The following FAM151B variants were observed in gnomAD, a reference collection of about 807,000 sequenced individuals.
The protein encoded by FAM151B is family with sequence similarity 151 member B, also known as protein FAM151B.
Under a neutral mutation model 31.2 loss-of-function variants are expected in FAM151B, and 24 were observed. The observed-to-expected ratio is 0.77, with a 90% CI of 0.56 to 1.08. The LOEUF is 1.08. Ranked by LOEUF, FAM151B falls within the 50% of genes least tolerant of loss-of-function variation. The pLI is 0.00. For synonymous variants in FAM151B, 105 were observed against 111.4 expected, an observed-to-expected ratio of 0.94 and a Z score of 0.36; for missense variants, 293 against 328.6, an observed-to-expected ratio of 0.89 and a Z score of 0.84.
chr5:80,499,414 A>G lies in FAM151B; in HGVS notation c.26-2378A>G, dbSNP rs555200552. Among the ~76,000 whole-genome samples the G allele has an allele frequency of 3.3e-5, 5 of 152,336 alleles. No homozygotes were observed. In the South Asian group the frequency reaches 1.0e-3, roughly 32 times the overall value. On this transcript the variant is annotated intron_variant, in intron 1 of 5. Transcript: ENST00000282226. Reference sequence around the variant, plus strand: ...TTCAAGAGATTACTTGCTCACTCATATAGATGTTGCTGAGAATAATCTGAA... The same window carrying G: ...TTCAAGAGATTACTTGCTCACTCATGTAGATGTTGCTGAGAATAATCTGAA...
At chr5:80,518,013 G>A (rs1029580088) in intron 3 of FAM151B, among the ~76,000 whole-genome samples, 10 of 151,084 alleles carry the variant, frequency 6.6e-5, no homozygotes, top group African/African-American at 2.2e-4. Flanking sequence ...CAGAGGTTAC[G>A]GTGAGCAGAG....
intron 1 of FAM151B, among the ~76,000 whole-genome samples, chr5:80,490,877 G>A (rs1336956656): frequency 3.3e-5 from 5 of 152,194 alleles, no homozygotes; most frequent in African/African-American, 1.2e-4. Flanking sequence ...GAACATTTGT[G>A]TACAAGTTTT....
intron 2 of FAM151B, among the ~76,000 whole-genome samples, chr5:80,502,617 A>G (rs891632044): frequency 2.0e-5 from 3 of 152,154 alleles, no homozygotes; most frequent in Non-Finnish European, 4.4e-5. Context: ...GCCTTTTCCT[A>G]TAAAGTGCTC....
chr5:80,530,496 C>T (rs1231251115), intron 5 of FAM151B, among the ~76,000 whole-genome samples: 7 of 152,186 alleles, frequency 4.6e-5, no homozygotes, highest in Admixed American at 4.6e-4. Context: ...CCTATTGTCT[C>T]AGCCCAAAAT....
At chr5:80,521,879 A>G (rs907810690) in intron 4 of FAM151B, 124 bp from the exon 5 acceptor site, 1 of 591,172 alleles carries the variant, frequency 1.7e-6, no homozygotes, top group Non-Finnish European at 2.6e-6. Context: ...ATCCAAATGG[A>G]AAGTATTATG....
rs115067337 is a variant in FAM151B, at chr5:80,515,810, T to C, written c.317+2041T>C. The stretch of plus-strand genomic sequence containing the variant: ...AGGTAGGTTATTGCTGTTATTCTCA[T>C]TTTCCGGATGAGGCAATGGAGATGG... On this transcript the variant is annotated intron_variant, in intron 3 of 5. Transcript: ENST00000282226. Among the ~76,000 whole-genome samples the C allele has an allele frequency of 9.5e-3, 1,448 of 152,318 alleles. 29 individuals carry two copies. The highest frequency in any genetic ancestry group is 0.032 in the African/African-American group (1,327 of 41,562).
chr5:80,506,886 C>T (rs1426329776), intron 2 of FAM151B, among the ~76,000 whole-genome samples: 1 of 152,132 alleles, frequency 6.6e-6, no homozygotes, highest in Non-Finnish European at 1.5e-5. Flanking sequence ...CAAGGTGGCT[C>T]ACGCCTGTAC....
At chr5:80,496,275 G>A in intron 1 of FAM151B, among the ~76,000 whole-genome samples, 1 of 152,284 alleles carries the variant, frequency 6.6e-6, no homozygotes, top group African/African-American at 2.4e-5. Context: ...TTGGTCAATA[G>A]CCATCAACAT....
intron 5 of FAM151B, among the ~76,000 whole-genome samples, chr5:80,523,108 AG>A (rs1744793631): frequency 6.6e-6 from 1 of 152,218 alleles, no homozygotes; most frequent in Admixed American, 6.5e-5. Flanking sequence ...AACATCAAAC[AG>A]TAAATGCATA....
chr5:80,488,164 G>T lies in FAM151B; in HGVS notation c.25+16G>T. Reference sequence around the variant, plus strand: ...GGAGGCCCAGGTAAGCGCCGAGCGCGCGGCCTCTGCCTGGAGGTGGGGCGC... The same window carrying T: ...GGAGGCCCAGGTAAGCGCCGAGCGCTCGGCCTCTGCCTGGAGGTGGGGCGC... On this transcript the variant is annotated intron_variant, in intron 1 of 5. Coordinates refer to ENST00000282226, the MANE Select transcript of FAM151B (RefSeq NM_205548.3). 6.5e-7 allele frequency: 1 copy of T among 1,540,766 alleles called. No individual in the cohort carries two copies. Among genetic ancestry groups the T allele is most frequent in the Non-Finnish European group, 8.7e-7 (1 of 1,145,296 alleles).
At chr5:80,535,463 C>G (rs776721954) in intron 5 of FAM151B, among the ~76,000 whole-genome samples, 3 of 152,102 alleles carry the variant, frequency 2.0e-5, no homozygotes, top group Non-Finnish European at 2.9e-5. Context: ...ACAGTGTTTT[C>G]ACAAAGCTGC....
intron 1 of FAM151B, among the ~76,000 whole-genome samples, chr5:80,494,019 T>C (rs1209770097): frequency 2.0e-5 from 3 of 152,200 alleles, no homozygotes; most frequent in Non-Finnish European, 2.9e-5. Flanking sequence ...AAAATTTCTC[T>C]CTTTGTACTC....
rs192148101 is a variant in FAM151B, at chr5:80,504,732, A to C, written c.151+2815A>C. On this transcript the variant is annotated intron_variant, in intron 2 of 5. Transcript: ENST00000282226. ...ATGGGGTTTCACCATGTTGGCTAGG[A>C]TGGTCTCCATCTCCTGATCTCCTGA... 6.1e-3 allele frequency among the ~76,000 whole-genome samples: 923 copies of C among 151,830 alleles called. 6 individuals carry two copies. Among genetic ancestry groups the C allele is most frequent in the African/African-American group, 0.02 (821 of 41,424 alleles).
intron 3 of FAM151B, 78 bp downstream of exon 3, chr5:80,513,847 C>A (rs745976767): frequency 1.0e-4 from 137 of 1,327,558 alleles, no homozygotes; most frequent in Non-Finnish European, 1.3e-4. Flanking sequence ...TTAATGTTAT[C>A]CAAACTGAAA....
Position 80,532,211 on chromosome 5 carries a change from G to A in FAM151B, c.672-9462G>A, listed in dbSNP as rs1216797811. On this transcript the variant is annotated intron_variant, in intron 5 of 5. Coordinates refer to ENST00000282226, the MANE Select transcript of FAM151B (RefSeq NM_205548.3). The stretch of plus-strand genomic sequence containing the variant: ...AGGGTGGGGAACATCCCACACCGGG[G>A]CCTGTTGTGGGGTGGGGGGAGGGGG... 2.5e-5 allele frequency among the ~76,000 whole-genome samples: 3 copies of A among 118,924 alleles called. No individual in the cohort carries two copies. The South Asian group carries it at 9.0e-4, about 36-fold the overall frequency. 78.0% of individuals were successfully genotyped at this position (118,924 alleles called of 152,430 possible).
At chr5:80,501,939 T>G in intron 2 of FAM151B, 22 bp downstream of exon 2, 2 of 1,537,280 alleles carry the variant, frequency 1.3e-6, no homozygotes, top group Non-Finnish European at 1.8e-6. Context: ...CAGTTACTTG[T>G]AATTTACTTT....
intron 5 of FAM151B, among the ~76,000 whole-genome samples, chr5:80,530,726 G>A (rs1014346385): frequency 2.0e-5 from 3 of 152,094 alleles, no homozygotes; most frequent in South Asian, 2.1e-4. Context: ...ACTGCTCAAC[G>A]AAATAAAAGA....
Position 80,519,751 on chromosome 5 carries a change from C to A in FAM151B, c.376C>A (p.Arg126Ser), listed in dbSNP as rs527461710. 6.2e-7 allele frequency: 1 copy of A among 1,614,038 alleles called. No individual in the cohort carries two copies. Among genetic ancestry groups the A allele is most frequent in the South Asian group, 1.1e-5 (1 of 91,072 alleles). The change falls in exon 4 of 6, where the codon CGT becomes AGT. Residue 126 changes from arginine to serine, a missense_variant. Physicochemically the swap from Arg to Ser is moderately radical, Grantham distance 110. Coordinates refer to ENST00000282226, the MANE Select transcript of FAM151B (RefSeq NM_205548.3). Reference sequence around the variant, plus strand: ...GGAAAATGTGAAGAGGCATCTGAAGCGTCCTGTATGGATTAATGCCGATAT... The same window carrying A: ...GGAAAATGTGAAGAGGCATCTGAAGAGTCCTGTATGGATTAATGCCGATAT... ...LLENVKRHLK[R>S]PVWINADILP...
chr5:80,530,312 T>G (rs1243398913), intron 5 of FAM151B, among the ~76,000 whole-genome samples: 2 of 152,068 alleles, frequency 1.3e-5, no homozygotes, highest in African/African-American at 4.8e-5. Flanking sequence ...AGCATTCCCT[T>G]TGAAAACTGG....
Sources: allele counts gnomAD v4.1 joint callset (sites outside exome capture counted in the v4.1 genomes callset), GRCh38; gene constraint gnomAD v4.1.1; transcripts MANE v1.5; gene names NCBI Gene and HGNC (gene_info 2026-07-23, HGNC 2026-07-21).